The following ELP4 variants were observed in gnomAD, a reference collection of about 807,000 sequenced individuals.
ELP4 encodes the protein elongator acetyltransferase complex subunit 4.
ELP4 carries 51 observed loss-of-function variants against 48.9 expected under a neutral mutation model. That is an observed-to-expected ratio of 1.04 (90% CI 0.83 to 1.32). The LOEUF is 1.32. Among genes scored for constraint, ELP4 ranks in the 40% most tolerant of loss-of-function variants. The pLI is 0.00. For synonymous variants in ELP4, 210 were observed against 189.2 expected (o/e 1.11, Z -0.90); for missense variants, 519 against 514.6 (o/e 1.01, Z -0.08).
chr11:31,753,342 C>G (rs1205549383), intron 9 of ELP4, among the ~76,000 whole-genome samples: 1 of 152,162 alleles, frequency 6.6e-6, no homozygotes, highest in Non-Finnish European at 1.5e-5. Flanking sequence ...CTGGCCTCCT[C>G]ACTATTCCTG....
intron 3 of ELP4, among the ~76,000 whole-genome samples, chr11:31,573,397 T>C (rs971675893): frequency 6.6e-6 from 1 of 152,184 alleles, no homozygotes; most frequent in Non-Finnish European, 1.5e-5. Flanking sequence ...GTTAGTCAGC[T>C]CAGGCTGCCA....
At position 31,786,968 on chromosome 11, in the gene ELP4, C is replaced by CA. The variant is rs1948684197; in HGVS notation, c.*3448dup. 1.4e-5 allele frequency: 3 copies of CA among 219,188 alleles called. No homozygotes were observed. In the East Asian group the frequency reaches 2.0e-4, roughly 15 times the overall value. The allele number at this position is 219,188 out of a possible 1,614,324, so 13.6% of individuals were successfully genotyped here. A position where few individuals can be genotyped will look rare whatever the true frequency, so the allele number is the denominator to read the frequency against. ...TAATCTCCATCCTGGAAGATGGTGTCAAAACATCCCTGCAGATACCCCATT... is the reference window on the plus strand; with the variant it reads ...TAATCTCCATCCTGGAAGATGGTGTCAAAAACATCCCTGCAGATACCCCATT... On this transcript the variant is annotated 3_prime_UTR_variant, in exon 10 of 10. Coordinates refer to ENST00000640961, the MANE Select transcript of ELP4 (RefSeq NM_019040.5).
chr11:31,557,569 T>C (rs1004915879), intron 3 of ELP4, among the ~76,000 whole-genome samples: 4 of 152,064 alleles, frequency 2.6e-5, no homozygotes, highest in Admixed American at 6.6e-5. Flanking sequence ...TGCATTGTAG[T>C]ATAGTTTGGT....
intron 9 of ELP4, among the ~76,000 whole-genome samples, chr11:31,713,030 A>G (rs1946775035): frequency 6.6e-6 from 1 of 152,046 alleles, no homozygotes; most frequent in Non-Finnish European, 1.5e-5. Context: ...TCCCCCTTGC[A>G]TCTGATATTG....
intron 3 of ELP4, among the ~76,000 whole-genome samples, chr11:31,546,682 A>AT (rs1956726766): frequency 6.6e-6 from 1 of 151,912 alleles, no homozygotes; most frequent in Non-Finnish European, 1.5e-5. Flanking sequence ...CAGAATATAC[A>AT]TTTTTTTCAG....
In ELP4 at chr11:31,607,066, C is replaced by T. The variant is rs1372890436; in HGVS notation, c.653+3159C>T. On this transcript the variant is annotated intron_variant, in intron 5 of 9. Coordinates refer to ENST00000640961, the MANE Select transcript of ELP4 (RefSeq NM_019040.5). The stretch of plus-strand genomic sequence containing the variant: ...GAGACACAGGAGCTCTCACTCTCTC[C>T]GGGAGCATGCAAGAATGAAAGGCCA... Among the ~76,000 whole-genome samples, 3 of 152,032 alleles carry T rather than the reference C, an allele frequency of 2.0e-5. No individual in the cohort carries two copies. The East Asian group carries it at 5.8e-4, about 29-fold the overall frequency.
chr11:31,592,089 G>T (rs1261363396), intron 3 of ELP4, among the ~76,000 whole-genome samples: 3 of 152,180 alleles, frequency 2.0e-5, no homozygotes, highest in Non-Finnish European at 4.4e-5. Context: ...GGGCAGGAGA[G>T]AAGGGGAATG....
At chr11:31,542,224 G>A (rs933100665) in intron 3 of ELP4, among the ~76,000 whole-genome samples, 1 of 152,148 alleles carries the variant, frequency 6.6e-6, no homozygotes, top group Admixed American at 6.6e-5. Context: ...GTGTTTCCAA[G>A]CCACAGTGCA....
At chr11:31,586,675 T>C (rs537962586) in intron 3 of ELP4, among the ~76,000 whole-genome samples, 19 of 151,922 alleles carry the variant, frequency 1.3e-4, no homozygotes, top group Admixed American at 3.3e-4. Flanking sequence ...TCTTGCTCGC[T>C]CTGTCACCCA....
chr11:31,603,728 A>G (rs1320000624), intron 4 of ELP4, 40 bp from the exon 5 acceptor site: 2 of 1,577,426 alleles, frequency 1.3e-6, no homozygotes, highest in African/African-American at 1.4e-5. Flanking sequence ...ATAGCTTAAA[A>G]ATAATTGTTT....
chr11:31,551,272 G>A (rs768428718), intron 3 of ELP4, among the ~76,000 whole-genome samples: 3 of 152,084 alleles, frequency 2.0e-5, no homozygotes, highest in African/African-American at 2.4e-5. Context: ...AAATCGATGC[G>A]GATGGTCTGC....
At chr11:31,736,919 G>C (rs901183208) in intron 9 of ELP4, among the ~76,000 whole-genome samples, 5 of 152,166 alleles carry the variant, frequency 3.3e-5, no homozygotes, top group South Asian at 2.1e-4. Flanking sequence ...CGATTCCTTA[G>C]GGATCTAGAA....
At chr11:31,755,370 G>T (rs146696072) in intron 9 of ELP4, among the ~76,000 whole-genome samples, 227 of 152,202 alleles carry the variant, frequency 1.5e-3, no homozygotes, top group Non-Finnish European at 2.8e-3. Context: ...TTTGAGCAAG[G>T]TACTTACAAA....
chr11:31,720,862 A>G (rs1050276936), intron 9 of ELP4, among the ~76,000 whole-genome samples: 5 of 152,214 alleles, frequency 3.3e-5, no homozygotes, highest in Non-Finnish European at 7.3e-5. Flanking sequence ...CAAGTACCAG[A>G]TGGAATGAAA....
At chr11:31,513,768 T>G (rs1344546175) in intron 1 of ELP4, among the ~76,000 whole-genome samples, 1 of 152,196 alleles carries the variant, frequency 6.6e-6, no homozygotes, top group African/African-American at 2.4e-5. Flanking sequence ...CTGCATGAAT[T>G]GAAATAACAA....
intron 9 of ELP4, among the ~76,000 whole-genome samples, chr11:31,659,979 G>A (rs1030413169): frequency 4.6e-5 from 7 of 152,052 alleles, no homozygotes; most frequent in African/African-American, 7.2e-5. Flanking sequence ...GCAACAGTGC[G>A]AGACTCCATC....
chr11:31,609,820 G>C (rs11031430), intron 5 of ELP4, among the ~76,000 whole-genome samples: 92,278 of 151,996 alleles, frequency 0.61, 31,765 homozygotes, highest in Non-Finnish European at 0.76. Context: ...TCAATCACTT[G>C]AGCCCAGGAT....
chr11:31,655,747 G>A, intron 9 of ELP4, among the ~76,000 whole-genome samples: 1 of 151,974 alleles, frequency 6.6e-6, no homozygotes, highest in Admixed American at 6.6e-5. Context: ...ATGGCTACAT[G>A]ACTAGACACA....
At chr11:31,522,188 A>C (rs1166685163) in intron 2 of ELP4, among the ~76,000 whole-genome samples, 3 of 152,184 alleles carry the variant, frequency 2.0e-5, no homozygotes, top group Non-Finnish European at 2.9e-5. Flanking sequence ...TGATTATCTC[A>C]GTTACATTTT....
Sources: allele counts gnomAD v4.1 joint callset (sites outside exome capture counted in the v4.1 genomes callset), GRCh38; gene constraint gnomAD v4.1.1; transcripts MANE v1.5; gene names NCBI Gene and HGNC (gene_info 2026-07-23, HGNC 2026-07-21).